Variants in ANKRD30BL observed in about 807,000 individuals in gnomAD.
The protein encoded by ANKRD30BL is ankyrin repeat domain 30B like.
ANKRD30BL carries 20 observed loss-of-function variants against 18.4 expected under a neutral mutation model. The ratio of observed to expected loss-of-function variants is 1.09; its 90% CI spans 0.77 to 1.58. The LOEUF (loss-of-function observed/expected upper bound fraction) is 1.58. Among genes scored for constraint, ANKRD30BL ranks in the 40% most tolerant of loss-of-function variants. ANKRD30BL has a pLI of 0.00. For synonymous variants in ANKRD30BL, 72 were observed against 100.9 expected, an observed-to-expected ratio of 0.71 and a Z score of 1.72; for missense variants, 224 against 268.6, an observed-to-expected ratio of 0.83 and a Z score of 1.16.
intron 1 of ANKRD30BL, among the ~76,000 whole-genome samples, chr2:132,183,744 T>C (rs1333468746): frequency 2.0e-5 from 3 of 152,118 alleles, no homozygotes; most frequent in African/African-American, 7.2e-5. Context: ...TGCATATATA[T>C]GTATATGTGT....
At chr2:132,208,518 C>T (rs1360169644) in intron 1 of ANKRD30BL, among the ~76,000 whole-genome samples, 3 of 152,058 alleles carry the variant, frequency 2.0e-5, no homozygotes, top group African/African-American at 7.2e-5. Flanking sequence ...GTGACATGGC[C>T]AGGGTTCCTG....
chr2:132,229,612 G>A (rs878960909), intron 1 of ANKRD30BL, among the ~76,000 whole-genome samples: 3 of 152,004 alleles, frequency 2.0e-5, no homozygotes, highest in African/African-American at 4.8e-5. Context: ...CGTTGGAAAC[G>A]GGAATATCTT....
intron 1 of ANKRD30BL, chr2:132,253,019 C>T (rs13030716): frequency 0.11 from 16,858 of 152,874 alleles, 1,251 homozygotes; most frequent in Middle Eastern, 0.21. Flanking sequence ...GGGGAAGGGG[C>T]GGGCACAGCA....
chr2:132,195,868 G>T (rs1380131784), intron 1 of ANKRD30BL, among the ~76,000 whole-genome samples: 1 of 150,970 alleles, frequency 6.6e-6, no homozygotes, highest in Non-Finnish European at 1.5e-5. Flanking sequence ...GACGTCGAGT[G>T]TGGTGGCTCA....
At chr2:132,170,879 C>T (rs12471253) in intron 1 of ANKRD30BL, among the ~76,000 whole-genome samples, 31,743 of 152,002 alleles carry the variant, frequency 0.21, 3,533 homozygotes, top group Non-Finnish European at 0.26. Context: ...ACTTGGAGGC[C>T]GAGCCGGTGG....
chr2:132,159,974 AT>A lies in ANKRD30BL; in HGVS notation c.218+1513del, dbSNP rs199740530. On this transcript the variant is annotated intron_variant, in intron 1 of 5. Coordinates refer to ENST00000409867, the MANE Select transcript of ANKRD30BL (RefSeq NM_001358416.1). ...AGCAGGCATTTCACTTATGAAACTAATTCTTTCCCTACTAGTATAACCTGTG... is the reference window on the plus strand; with the variant it reads ...AGCAGGCATTTCACTTATGAAACTAATCTTTCCCTACTAGTATAACCTGTG... Among the ~76,000 whole-genome samples, 164 of 152,304 alleles carry A rather than the reference AT, an allele frequency of 1.1e-3. 2 individuals are homozygous for A. In the South Asian group the frequency reaches 0.016, roughly 15 times the overall value.
intron 5 of ANKRD30BL, among the ~76,000 whole-genome samples, chr2:132,150,155 C>T (rs1179793758): frequency 6.6e-6 from 1 of 151,848 alleles, no homozygotes; most frequent in African/African-American, 2.4e-5. Context: ...TCATTTATTA[C>T]AAAAATTAAA....
intron 1 of ANKRD30BL, among the ~76,000 whole-genome samples, chr2:132,242,046 A>C (rs1050408816): frequency 6.6e-6 from 1 of 151,710 alleles, no homozygotes; most frequent in Non-Finnish European, 1.5e-5. Flanking sequence ...AAGTAGACAG[A>C]AGCATTCTCA....
intron 1 of ANKRD30BL, among the ~76,000 whole-genome samples, chr2:132,166,981 G>C (rs4516489): frequency 0.19 from 29,210 of 150,992 alleles, 3,872 homozygotes; most frequent in East Asian, 0.45. Flanking sequence ...AATAAGTTGT[G>C]ATTTCATTTT....
chr2:132,183,009 C>T (rs4392313), intron 1 of ANKRD30BL, among the ~76,000 whole-genome samples: 16,378 of 145,640 alleles, frequency 0.11, 1,480 homozygotes, highest in East Asian at 0.46. Flanking sequence ...TAAAAAATAA[C>T]GATGTTGGAT....
chr2:132,182,745 T>C (rs919680036), intron 1 of ANKRD30BL, among the ~76,000 whole-genome samples: 2 of 152,172 alleles, frequency 1.3e-5, no homozygotes, highest in African/African-American at 4.8e-5. Context: ...TCATTTATTT[T>C]TCCTCAGGTG....
Position 132,231,744 on chromosome 2 carries a change from T to C in ANKRD30BL, n.441+25785A>G, listed in dbSNP as rs372462640. On this transcript the variant is annotated intron_variant and non_coding_transcript_variant, in intron 1 of 4. Coordinates refer to the ANKRD30BL transcript ENST00000470729. Reference sequence around the variant, plus strand: ...AGCAGTCTGAGATCAAACTGCAAGGTGGCAGCGAGGCTGGGGGAGGGGCAC... The same window carrying C: ...AGCAGTCTGAGATCAAACTGCAAGGCGGCAGCGAGGCTGGGGGAGGGGCAC... 1.4e-4 allele frequency among the ~76,000 whole-genome samples: 22 copies of C among 152,000 alleles called. No homozygotes were observed. The East Asian group carries it at 2.9e-3, about 20-fold the overall frequency.
At chr2:132,215,008 A>T (rs1210206785) in intron 1 of ANKRD30BL, among the ~76,000 whole-genome samples, 1 of 152,132 alleles carries the variant, frequency 6.6e-6, no homozygotes, top group Non-Finnish European at 1.5e-5. Context: ...AAAAAGAAAT[A>T]TCTTCCCATA....
chr2:132,201,688 TTG>T (rs1679101787), intron 1 of ANKRD30BL, among the ~76,000 whole-genome samples: 3 of 152,212 alleles, frequency 2.0e-5, no homozygotes, highest in Non-Finnish European at 4.4e-5. Flanking sequence ...TTTTACACTG[TTG>T]GTGGGACTGT....
At chr2:132,235,089 CAT>C (rs1680118182) in intron 1 of ANKRD30BL, among the ~76,000 whole-genome samples, 2 of 152,120 alleles carry the variant, frequency 1.3e-5, no homozygotes, top group Admixed American at 6.6e-5. Context: ...CAAAAAACCA[CAT>C]GATTATCTCA....
At chr2:132,198,324 C>CTTTCTT (rs1387738908) in intron 1 of ANKRD30BL, among the ~76,000 whole-genome samples, 43 of 16,824 alleles carry the variant, frequency 2.6e-3, no homozygotes, top group East Asian at 0.01. Context: ...TTCTTTCTTT[C>CTTTCTT]TTTTTTTTTT....
chr2:132,148,635 G>C (rs924133917), intron 5 of ANKRD30BL, among the ~76,000 whole-genome samples: 2 of 151,830 alleles, frequency 1.3e-5, no homozygotes, highest in African/African-American at 4.8e-5. Context: ...CTTCCAAAGT[G>C]CTAGGATTAC....
At chr2:132,213,136 GA>G (rs140108073) in intron 1 of ANKRD30BL, among the ~76,000 whole-genome samples, 8 of 150,412 alleles carry the variant, frequency 5.3e-5, no homozygotes, top group Non-Finnish European at 1.0e-4. Flanking sequence ...GCCTATGGTG[GA>G]AAAAAAAATC....
At position 132,161,817 on chromosome 2, in the gene ANKRD30BL, A is replaced by G; in HGVS notation, c.-112T>C. On this transcript the variant is annotated 5_prime_UTR_variant, in exon 1 of 6. Coordinates refer to ENST00000409867, the MANE Select transcript of ANKRD30BL (RefSeq NM_001358416.1). ...TCCCTGCATCCGCCCTGACAAGACT[A>G]GAAATCTCAGTCGGGCCAAGCTTTT... is the stretch of plus-strand genomic sequence containing the variant. 1.6e-6 allele frequency: 1 copy of G among 638,066 alleles called. No individual in the cohort carries two copies. The highest frequency in any genetic ancestry group is 2.8e-6 in the Non-Finnish European group (1 of 356,832). The allele number at this position is 638,066 out of a possible 1,614,324, so 39.5% of individuals were successfully genotyped here.
Sources: allele counts gnomAD v4.1 joint callset (sites outside exome capture counted in the v4.1 genomes callset), GRCh38; gene constraint gnomAD v4.1.1; transcripts MANE v1.5; gene names NCBI Gene and HGNC (gene_info 2026-07-23, HGNC 2026-07-21).